Variants in PRKAG2 observed in about 807,000 individuals in gnomAD.
The protein encoded by PRKAG2 is protein kinase AMP-activated non-catalytic subunit gamma 2.
Under a neutral mutation model 69.6 loss-of-function variants are expected in PRKAG2, and 26 were observed. The observed-to-expected ratio is 0.37, with a 90% CI of 0.27 to 0.52. The LOEUF is 0.52. Among genes scored for constraint, PRKAG2 ranks in the 20% least tolerant of loss-of-function variants. The pLI is 0.90. For synonymous variants in PRKAG2, 293 were observed against 285.0 expected, an observed-to-expected ratio of 1.03 and a Z score of -0.28; for missense variants, 557 against 740.0, an observed-to-expected ratio of 0.75 and a Z score of 2.87.
rs1234028627 is a variant in PRKAG2, at chr7:151,614,493, A to T, written c.754+17576T>A. On this transcript the variant is annotated intron_variant, in intron 5 of 15. Transcript: ENST00000287878. The surrounding 1 kb of genome is among the most constrained non-coding windows in gnomAD (Gnocchi z 4.4). ...AGAGGAGAAAAGAGGCAGAGCAGTC[A>T]GTGGACGTCTCTGAGACCCTGCTCC... 1.3e-5 allele frequency among the ~76,000 whole-genome samples: 2 copies of T among 152,176 alleles called. No individual in the cohort carries two copies. Among genetic ancestry groups the T allele is most frequent in the African/African-American group, 4.8e-5 (2 of 41,448 alleles).
At chr7:151,851,767 C>A (rs1335614200) in intron 1 of PRKAG2, among the ~76,000 whole-genome samples, 1 of 152,148 alleles carries the variant, frequency 6.6e-6, no homozygotes, top group African/African-American at 2.4e-5. Flanking sequence ...CTCATGGGTC[C>A]CCCTCCACAG....
intron 6 of PRKAG2, among the ~76,000 whole-genome samples, chr7:151,591,471 A>T (rs578154492): frequency 7.9e-5 from 12 of 152,198 alleles, no homozygotes; most frequent in Non-Finnish European, 1.3e-4. Flanking sequence ...CGGGCAGAGC[A>T]TGAGGGACAG....
At chr7:151,665,117 C>T (rs1002148612) in intron 4 of PRKAG2, among the ~76,000 whole-genome samples, 1 of 152,138 alleles carries the variant, frequency 6.6e-6, no homozygotes, top group Non-Finnish European at 1.5e-5. Flanking sequence ...GGCTTTAGCT[C>T]CAGAGTTCTG....
chr7:151,650,557 T>C (rs971315544), intron 4 of PRKAG2, among the ~76,000 whole-genome samples: 6 of 152,160 alleles, frequency 3.9e-5, no homozygotes, highest in African/African-American at 1.4e-4. Context: ...GTTTGAAAAC[T>C]GGCCAGAGGA....
intron 4 of PRKAG2, among the ~76,000 whole-genome samples, chr7:151,648,776 C>CG (rs1827969767): frequency 6.6e-6 from 1 of 151,988 alleles, no homozygotes. Flanking sequence ...GTCCCAGCTA[C>CG]GTGGGAGGGT....
intron 3 of PRKAG2, among the ~76,000 whole-genome samples, chr7:151,733,157 C>T (rs745578668): frequency 6.6e-6 from 1 of 152,228 alleles, no homozygotes; most frequent in African/African-American, 2.4e-5. Flanking sequence ...ACAGGGCTCC[C>T]GCCTCCCACC....
intron 3 of PRKAG2, among the ~76,000 whole-genome samples, chr7:151,694,038 A>AT (rs901095258): frequency 6.6e-5 from 10 of 151,904 alleles, no homozygotes; most frequent in East Asian, 1.9e-4. Flanking sequence ...CACCCAGCTA[A>AT]TTTTTTTCTA....
At chr7:151,624,283 G>T (rs1321735998) in intron 5 of PRKAG2, among the ~76,000 whole-genome samples, 1 of 151,650 alleles carries the variant, frequency 6.6e-6, no homozygotes, top group Admixed American at 6.6e-5. Flanking sequence ...GGAGGCATGG[G>T]ACTCACCTCC....
intron 3 of PRKAG2, among the ~76,000 whole-genome samples, chr7:151,738,981 C>T (rs1197394835): frequency 1.3e-5 from 2 of 152,128 alleles, no homozygotes; most frequent in East Asian, 1.9e-4. Context: ...TGAGATGAAA[C>T]CCTGGAAGCT....
At chr7:151,669,758 ACACACACCTGTG>A (rs1342922746) in intron 4 of PRKAG2, among the ~76,000 whole-genome samples, 1 of 151,898 alleles carries the variant, frequency 6.6e-6, no homozygotes, top group Non-Finnish European at 1.5e-5. Flanking sequence ...ACCTGCATGC[ACACACACCTGTG>A]CACACACTTG....
chr7:151,810,428 G>A (rs931748009), intron 1 of PRKAG2: 1 of 152,248 alleles, frequency 6.6e-6, no homozygotes, highest in Non-Finnish European at 1.5e-5. Context: ...CCCTGCCCTA[G>A]GAGCCCCCAG....
rs147729121 is a variant in PRKAG2 at position 151,797,675 on chromosome 7, A to G, written c.115-11134T>C. ...CACCCACCTGCTCTGTGCCAGGCAC[A>G]TTATAGATCAAAAGGTACAGGGAGT... On this transcript the variant is annotated intron_variant, in intron 1 of 15. Transcript: ENST00000287878. Among the ~76,000 whole-genome samples, 997 of 152,364 alleles carry G rather than the reference A, an allele frequency of 6.5e-3. 12 individuals are homozygous for G. Among genetic ancestry groups the G allele is most frequent in the East Asian group, 0.044 (230 of 5,178 alleles).
intron 3 of PRKAG2, among the ~76,000 whole-genome samples, chr7:151,746,203 T>A (rs940206678): frequency 2.0e-5 from 3 of 152,232 alleles, no homozygotes; most frequent in African/African-American, 7.2e-5. Context: ...TTCTAGGCGA[T>A]GGGGCAGGAT....
chr7:151,574,152 T>C (rs1808349983), intron 8 of PRKAG2, among the ~76,000 whole-genome samples: 1 of 152,210 alleles, frequency 6.6e-6, no homozygotes, highest in Non-Finnish European at 1.5e-5. Context: ...GCATTACGCA[T>C]AAAGCAGTAT....
At chr7:151,620,465 T>C (rs1821212431) in intron 5 of PRKAG2, among the ~76,000 whole-genome samples, 2 of 151,500 alleles carry the variant, frequency 1.3e-5, no homozygotes, top group African/African-American at 2.4e-5. Flanking sequence ...TCTCAATAGA[T>C]GGCTTTGTTT....
At chr7:151,663,617 C>T (rs1830630979) in intron 4 of PRKAG2, among the ~76,000 whole-genome samples, 1 of 152,202 alleles carries the variant, frequency 6.6e-6, no homozygotes, top group African/African-American at 2.4e-5. Flanking sequence ...ACCTCGGCCT[C>T]CTAGACCGCT....
chr7:151,778,808 C>A (rs2076527420), intron 3 of PRKAG2, among the ~76,000 whole-genome samples: 1 of 152,166 alleles, frequency 6.6e-6, no homozygotes, highest in Admixed American at 6.5e-5. Flanking sequence ...TCAGATAAAG[C>A]AACATTTTCC....
At position 151,850,756 on chromosome 7, in the gene PRKAG2, G is replaced by A. The variant is rs115107969; in HGVS notation, c.114+25751C>T. Among the ~76,000 whole-genome samples, 2,929 of 152,322 alleles carry A rather than the reference G, an allele frequency of 0.019. 96 individuals are homozygous for A. The highest frequency in any genetic ancestry group is 0.068 in the African/African-American group (2,806 of 41,556). On this transcript the variant is annotated intron_variant, in intron 1 of 15. Transcript: ENST00000287878. The surrounding 1 kb of genome is among the most constrained non-coding windows in gnomAD (Gnocchi z 4.1). ...GAGGTGAGAGTCTGGTGCTCTGAGC[G>A]CTGCCTCGCAGTTGTGCAAATCAGT...
At chr7:151,778,097 C>T (rs1408430230) in intron 3 of PRKAG2, among the ~76,000 whole-genome samples, 1 of 152,088 alleles carries the variant, frequency 6.6e-6, no homozygotes, top group Non-Finnish European at 1.5e-5. Flanking sequence ...GACCCTGTGG[C>T]CCTCACCTAG....
Sources: allele counts gnomAD v4.1 joint callset (sites outside exome capture counted in the v4.1 genomes callset), GRCh38; gene constraint gnomAD v4.1.1; non-coding constraint Gnocchi (gnomAD v3.1); transcripts MANE v1.5; gene names NCBI Gene and HGNC (gene_info 2026-07-23, HGNC 2026-07-21).